Variants in VEPH1 observed in about 807,000 individuals in gnomAD.
VEPH1 encodes the protein ventricular zone-expressed PH domain-containing protein homolog 1.
Under a neutral mutation model 85.2 loss-of-function variants are expected in VEPH1, and 80 were observed. The observed-to-expected ratio is 0.94, with a 90% CI of 0.78 to 1.13. The LOEUF is 1.13. VEPH1 is among the 50% of genes most tolerant of loss of function. The pLI is 0.00. For missense variants in VEPH1, 955 were observed against 980.5 expected, an observed-to-expected ratio of 0.97 and a Z score of 0.35; for synonymous variants, 297 against 348.0, an observed-to-expected ratio of 0.85 and a Z score of 1.63.
chr3:157,390,656 A>G (rs1729770549), intron 6 of VEPH1, among the ~76,000 whole-genome samples: 1 of 152,248 alleles, frequency 6.6e-6, no homozygotes, highest in Non-Finnish European at 1.5e-5. Flanking sequence ...GGACTCCACC[A>G]GAATCATGAA....
At chr3:157,296,594 A>G (rs544133522) in intron 11 of VEPH1, among the ~76,000 whole-genome samples, 1 of 152,366 alleles carries the variant, frequency 6.6e-6, no homozygotes, top group South Asian at 2.1e-4. Flanking sequence ...AACAGGTCTA[A>G]AGTACTAAGT....
intron 9 of VEPH1, among the ~76,000 whole-genome samples, chr3:157,328,332 G>GA (rs149194274): frequency 1.7e-4 from 26 of 149,918 alleles, no homozygotes; most frequent in African/African-American, 2.7e-4. Flanking sequence ...TATGGAAAAA[G>GA]AAAAAAAAAG....
intron 9 of VEPH1, among the ~76,000 whole-genome samples, chr3:157,324,597 G>C (rs996615695): frequency 6.6e-6 from 1 of 151,318 alleles, no homozygotes; most frequent in Non-Finnish European, 1.5e-5. Context: ...TTGGTTTCCT[G>C]TTCCTGCATT....
intron 4 of VEPH1, among the ~76,000 whole-genome samples, chr3:157,431,737 G>C (rs1733175585): frequency 6.6e-6 from 1 of 151,728 alleles, no homozygotes. Flanking sequence ...ATTTGGTTGT[G>C]ACAGACATCA....
chr3:157,461,034 C>T (rs1433604089), intron 3 of VEPH1, among the ~76,000 whole-genome samples: 1 of 151,868 alleles, frequency 6.6e-6, no homozygotes, highest in African/African-American at 2.4e-5. Context: ...TCGCTTTTTG[C>T]CTATATCTAT....
chr3:157,439,331 T>C (rs1243706910), intron 4 of VEPH1, among the ~76,000 whole-genome samples: 1 of 152,238 alleles, frequency 6.6e-6, no homozygotes, highest in Admixed American at 6.5e-5. Flanking sequence ...TGTTAATCCT[T>C]ATTACATCCA....
intron 13 of VEPH1, 111 bp from the exon 14 acceptor site, chr3:157,261,481 C>G (rs2108226799): frequency 6.7e-7 from 1 of 1,497,930 alleles, no homozygotes; most frequent in Non-Finnish European, 8.9e-7. Context: ...TTTTATGTCT[C>G]AAGACCTTTG....
chr3:157,390,512 C>A (rs192423826), intron 6 of VEPH1, among the ~76,000 whole-genome samples: 5 of 152,172 alleles, frequency 3.3e-5, no homozygotes, highest in African/African-American at 1.2e-4. Flanking sequence ...TTAAAAAACA[C>A]CTCATTTTGT....
At chr3:157,342,382 C>T (rs966435699) in intron 9 of VEPH1, among the ~76,000 whole-genome samples, 85 of 152,268 alleles carry the variant, frequency 5.6e-4, no homozygotes, top group Middle Eastern at 6.8e-3. Context: ...CAATCCTAGT[C>T]TCTGATAAAA....
intron 11 of VEPH1, among the ~76,000 whole-genome samples, chr3:157,297,448 G>C (rs1445050718): frequency 1.3e-5 from 2 of 152,108 alleles, no homozygotes; most frequent in Non-Finnish European, 2.9e-5. Context: ...ATAATGTGAT[G>C]TACAAATAGA....
intron 9 of VEPH1, among the ~76,000 whole-genome samples, chr3:157,345,521 C>G (rs1200420002): frequency 6.6e-6 from 1 of 152,116 alleles, no homozygotes; most frequent in Non-Finnish European, 1.5e-5. Context: ...ATTAAAAAGT[C>G]AGGAAACAAC....
At chr3:157,449,550 C>T (rs1734801783) in intron 4 of VEPH1, among the ~76,000 whole-genome samples, 1 of 152,158 alleles carries the variant, frequency 6.6e-6, no homozygotes. Context: ...TAGTGCTACA[C>T]TGTCTTGATT....
At chr3:157,267,102 C>CTTT (rs10537483) in intron 12 of VEPH1, among the ~76,000 whole-genome samples, 14 of 124,688 alleles carry the variant, frequency 1.1e-4, no homozygotes, top group East Asian at 2.4e-4. Context: ...TCTTTTTTTT[C>CTTT]TTTTTTTTTT....
chr3:157,409,717 C>T (rs925883051), intron 6 of VEPH1: 1 of 985,370 alleles, frequency 1.0e-6, no homozygotes, highest in East Asian at 1.1e-4. Flanking sequence ...GACAGGCACA[C>T]CCTGTCATTT....
At chr3:157,286,500 C>T in intron 12 of VEPH1, 57 bp downstream of exon 12, 1 of 1,398,972 alleles carries the variant, frequency 7.1e-7, no homozygotes, top group Admixed American at 1.7e-5. Flanking sequence ...ATGGAGCTGA[C>T]AGATCCCTGT....
chr3:157,349,796 A>G lies in VEPH1; in HGVS notation c.1735+13568T>C, dbSNP rs546941229. Reference sequence around the variant, plus strand: ...ATAGCTATTAATACAAACCACCACCACCTACGAATCAATTTAACCAAAGAG... The same window carrying G: ...ATAGCTATTAATACAAACCACCACCGCCTACGAATCAATTTAACCAAAGAG... On this transcript the variant is annotated intron_variant, in intron 9 of 13. Coordinates refer to ENST00000362010, the MANE Select transcript of VEPH1 (RefSeq NM_001167912.2). Among the ~76,000 whole-genome samples the G allele has an allele frequency of 1.6e-4, 24 of 152,250 alleles. 1 individual carries two copies. Among genetic ancestry groups the G allele is most frequent in the African/African-American group, 5.8e-4 (24 of 41,550 alleles).
intron 4 of VEPH1, among the ~76,000 whole-genome samples, chr3:157,435,926 A>G (rs1289586359): frequency 6.6e-6 from 1 of 152,234 alleles, no homozygotes; most frequent in Non-Finnish European, 1.5e-5. Flanking sequence ...AAATAAGTAT[A>G]TTCCTTTTTT....
chr3:157,490,100 T>A (rs886304088), intron 2 of VEPH1, among the ~76,000 whole-genome samples: 4 of 151,998 alleles, frequency 2.6e-5, no homozygotes, highest in African/African-American at 9.7e-5. Context: ...TCTATAGATA[T>A]AAAGACAGTA....
intron 5 of VEPH1, among the ~76,000 whole-genome samples, chr3:157,425,781 T>A (rs1732712313): frequency 6.6e-6 from 1 of 152,126 alleles, no homozygotes; most frequent in Non-Finnish European, 1.5e-5. Context: ...CATGGTTGGT[T>A]TTGAAATGTG....
Sources: gnomAD v4.1 joint callset for allele counts (sites outside exome capture counted in the v4.1 genomes callset) on GRCh38, gnomAD v4.1.1 for gene constraint, MANE v1.5 for transcripts, NCBI Gene and HGNC (gene_info 2026-07-23, HGNC 2026-07-21) for gene names.